SNTG2: variants seen among roughly 807,000 people sequenced by gnomAD.
SNTG2 encodes the protein syntrophin gamma 2.
A neutral mutation model predicts 70.9 loss-of-function variants in SNTG2; 74 were observed. That is an observed-to-expected ratio of 1.04 (90% CI 0.86 to 1.27). SNTG2 has a LOEUF of 1.27. Ranked by LOEUF, SNTG2 falls within the 50% of genes most tolerant of loss-of-function variation. SNTG2 has a pLI of 0.00. For synonymous variants in SNTG2, 278 were observed against 273.8 expected (o/e 1.02, Z -0.15); for missense variants, 717 against 690.7 (o/e 1.04, Z -0.43).
At chr2:1,275,702 A>G (rs1679239838) in intron 14 of SNTG2, among the ~76,000 whole-genome samples, 1 of 152,230 alleles carries the variant, frequency 6.6e-6, no homozygotes, top group Non-Finnish European at 1.5e-5. Flanking sequence ...GTTCAAATGA[A>G]AGGAAGAGTC....
At chr2:978,682 A>G (rs1311307334) in intron 1 of SNTG2, among the ~76,000 whole-genome samples, 2 of 152,188 alleles carry the variant, frequency 1.3e-5, no homozygotes, top group East Asian at 3.9e-4. Context: ...CTTTTAAAAT[A>G]TATATTTTCT....
intron 1 of SNTG2, among the ~76,000 whole-genome samples, chr2:1,069,885 C>G (rs1353104188): frequency 6.6e-6 from 1 of 152,152 alleles, no homozygotes; most frequent in East Asian, 1.9e-4. Flanking sequence ...TCCCCGGGAA[C>G]TCTGGGCCCC....
chr2:1,104,424 C>A (rs79522654), intron 4 of SNTG2, among the ~76,000 whole-genome samples: 2 of 152,084 alleles, frequency 1.3e-5, no homozygotes, highest in African/African-American at 4.8e-5. Flanking sequence ...ATTAGTGATA[C>A]GAGATTTGAT....
intron 8 of SNTG2, among the ~76,000 whole-genome samples, chr2:1,182,835 C>T (rs1672006780): frequency 1.3e-5 from 2 of 152,210 alleles, no homozygotes; most frequent in South Asian, 4.1e-4. Flanking sequence ...TCACTGCAGC[C>T]TCAACTTCCT....
chr2:1,097,101 C>G lies in SNTG2; in HGVS notation c.211-1095C>G, dbSNP rs1280416354. Among the ~76,000 whole-genome samples, 1 of 152,196 alleles carries G rather than the reference C, an allele frequency of 6.6e-6. No individual in the cohort carries two copies. The highest frequency in any genetic ancestry group is 1.5e-5 in the Non-Finnish European group (1 of 68,024). On this transcript the variant is annotated intron_variant, in intron 2 of 16. Coordinates refer to ENST00000308624, the MANE Select transcript of SNTG2 (RefSeq NM_018968.4). The surrounding 1 kb of genome is among the most constrained non-coding windows in gnomAD (Gnocchi z 4.1). ...AATTAAAGTATTATTTGCTGTGTCC[C>G]CATATACACACTTTAACACAGGTAT...
intron 14 of SNTG2, among the ~76,000 whole-genome samples, chr2:1,303,334 A>C (rs1315587669): frequency 6.6e-6 from 1 of 152,212 alleles, no homozygotes; most frequent in African/African-American, 2.4e-5. Context: ...TCAACAACAG[A>C]AAGATAATAG....
intron 14 of SNTG2, among the ~76,000 whole-genome samples, chr2:1,304,255 C>T (rs1021263220): frequency 2.6e-5 from 4 of 152,172 alleles, no homozygotes; most frequent in South Asian, 4.1e-4. Context: ...CTCTTATATC[C>T]GACTCCAGTT....
intron 16 of SNTG2, among the ~76,000 whole-genome samples, chr2:1,361,957 C>T (rs79889376): frequency 2.1e-4 from 4 of 18,748 alleles, no homozygotes; most frequent in Admixed American, 6.4e-4. Flanking sequence ...AGGTCACCAA[C>T]GCTGAGCATT....
At chr2:1,271,385 C>G (rs1299252481) in intron 14 of SNTG2, among the ~76,000 whole-genome samples, 1 of 151,930 alleles carries the variant, frequency 6.6e-6, no homozygotes, top group Non-Finnish European at 1.5e-5. Context: ...GTCAATTTAT[C>G]TAAATTTGTA....
At chr2:1,199,417 G>A (rs1673143241) in intron 8 of SNTG2, among the ~76,000 whole-genome samples, 1 of 151,954 alleles carries the variant, frequency 6.6e-6, no homozygotes. Flanking sequence ...TAGTATTGTA[G>A]TGAATGGGGA....
At chr2:1,162,336 G>C in intron 6 of SNTG2, among the ~76,000 whole-genome samples, 1 of 152,094 alleles carries the variant, frequency 6.6e-6, no homozygotes, top group Non-Finnish European at 1.5e-5. Context: ...AGGACTTCAG[G>C]CACACTGGCT....
At chr2:1,265,832 T>G (rs1678698675) in intron 13 of SNTG2, among the ~76,000 whole-genome samples, 1 of 152,182 alleles carries the variant, frequency 6.6e-6, no homozygotes, top group South Asian at 2.1e-4. Flanking sequence ...TGCTGCCATA[T>G]GCAGGGCTGT....
intron 8 of SNTG2, among the ~76,000 whole-genome samples, chr2:1,179,872 T>C (rs1168824464): frequency 7.0e-6 from 1 of 143,222 alleles, no homozygotes; most frequent in East Asian, 2.3e-4. Context: ...AACAGAGATA[T>C]AGATCAATGG....
intron 1 of SNTG2, among the ~76,000 whole-genome samples, chr2:1,078,831 G>A (rs955498000): frequency 3.3e-5 from 5 of 152,154 alleles, no homozygotes; most frequent in Admixed American, 6.5e-5. Flanking sequence ...GGATTTGCTG[G>A]TGAGTTGGAC....
chr2:1,277,652 T>C (rs1679322310), intron 14 of SNTG2, among the ~76,000 whole-genome samples: 1 of 152,208 alleles, frequency 6.6e-6, no homozygotes, highest in African/African-American at 2.4e-5. Context: ...AGTCAGCCTG[T>C]GAATTTCAAC....
At chr2:1,023,726 A>G (rs1280355677) in intron 1 of SNTG2, among the ~76,000 whole-genome samples, 1 of 152,178 alleles carries the variant, frequency 6.6e-6, no homozygotes, top group Non-Finnish European at 1.5e-5. Context: ...CACCCCGCGT[A>G]GTCTGGGGAC....
intron 1 of SNTG2, among the ~76,000 whole-genome samples, chr2:1,077,934 G>A (rs190446653): frequency 2.0e-5 from 3 of 152,222 alleles, no homozygotes; most frequent in South Asian, 4.2e-4. Context: ...TGGTGCTGAC[G>A]CGGGTTCACG....
intron 14 of SNTG2, among the ~76,000 whole-genome samples, chr2:1,279,130 G>T (rs891399509): frequency 3.3e-5 from 5 of 151,796 alleles, no homozygotes; most frequent in Admixed American, 2.0e-4. Flanking sequence ...TCACCCGTCA[G>T]TGCGCGAATC....
At chr2:1,260,729 C>T (rs1048719529) in intron 13 of SNTG2, among the ~76,000 whole-genome samples, 2 of 152,166 alleles carry the variant, frequency 1.3e-5, no homozygotes, top group Admixed American at 6.5e-5. Flanking sequence ...TTAACATGAG[C>T]CTCTTGGTCG....
Sources: gnomAD v4.1 joint callset for allele counts (sites outside exome capture counted in the v4.1 genomes callset) on GRCh38, gnomAD v4.1.1 for gene constraint, Gnocchi (gnomAD v3.1) non-coding constraint, MANE v1.5 for transcripts, NCBI Gene and HGNC (gene_info 2026-07-23, HGNC 2026-07-21) for gene names.